Variants in MYOZ1 observed in about 807,000 individuals in gnomAD.
MYOZ1 encodes myozenin-1.
In MYOZ1, 20 loss-of-function variants were observed where a neutral mutation model predicts 28.7. That is an observed-to-expected ratio of 0.70 (90% CI 0.49 to 1.01). The LOEUF is 1.01. Among genes scored for constraint, MYOZ1 ranks in the 50% least tolerant of loss-of-function variants. MYOZ1 has a pLI of 0.00. For missense variants in MYOZ1, 371 were observed against 372.4 expected, an observed-to-expected ratio of 1.00 and a Z score of 0.03; for synonymous variants, 144 against 145.8, an observed-to-expected ratio of 0.99 and a Z score of 0.09.
chr10:73,638,005 C>T, intron 2 of MYOZ1, 83 bp from the exon 3 acceptor site: 1 of 1,287,492 alleles, frequency 7.8e-7, no homozygotes, highest in Non-Finnish European at 1.1e-6. Context: ...TCATCCACAA[C>T]TAAGTGTGTA....
rs1208364286 is a variant in MYOZ1, at chr10:73,632,067, G to A, written c.763C>T (p.Leu255=). The A allele has an allele frequency of 6.2e-7, 1 of 1,614,202 alleles. No homozygotes were observed. The highest frequency in any genetic ancestry group is 1.1e-5 in the South Asian group (1 of 91,076). Residue 255 remains leucine, a synonymous_variant, in exon 6 of 6, where the codon CTG becomes TTG. Coordinates refer to ENST00000359322, the MANE Select transcript of MYOZ1 (RefSeq NM_021245.4). ...GAGAGGTTTTGGTTGTAGAGGACCA[G>A]GGGTTCACTCAGCAAGGGCCCCAGG... ...FDLGPLLSEP[L]VLYNQNLSNR...
At chr10:73,636,283 C>T (rs2081666841) in intron 3 of MYOZ1, among the ~76,000 whole-genome samples, 2 of 152,040 alleles carry the variant, frequency 1.3e-5, no homozygotes, top group South Asian at 2.1e-4. Flanking sequence ...CTTGAAGGAC[C>T]GTTTCAGTCT....
Position 73,631,648 on chromosome 10 carries a change from A to C in MYOZ1, c.*282T>G, listed in dbSNP as rs1235362429. The C allele has an allele frequency of 7.5e-6, 3 of 399,836 alleles. No homozygotes were observed. The highest frequency in any genetic ancestry group is 1.4e-5 in the Non-Finnish European group (3 of 214,708). The allele number at this position is 399,836 out of a possible 1,614,324, so 24.8% of individuals were successfully genotyped here. On this transcript the variant is annotated 3_prime_UTR_variant, in exon 6 of 6. Coordinates refer to ENST00000359322, the MANE Select transcript of MYOZ1 (RefSeq NM_021245.4). Reference sequence around the variant, plus strand: ...ATCTGCTCTCAAATATCAAAGGAAGAATGAGTTCATTTTCCTTGAAGTTTA... The same window carrying C: ...ATCTGCTCTCAAATATCAAAGGAAGCATGAGTTCATTTTCCTTGAAGTTTA...
intron 3 of MYOZ1, among the ~76,000 whole-genome samples, chr10:73,637,158 A>C (rs576315993): frequency 6.6e-6 from 1 of 151,478 alleles, no homozygotes; most frequent in African/African-American, 2.4e-5. Flanking sequence ...GATCACAGGA[A>C]CCCACGACCA....
At chr10:73,636,095 A>G (rs2132406635) in intron 3 of MYOZ1, among the ~76,000 whole-genome samples, 1 of 152,136 alleles carries the variant, frequency 6.6e-6, no homozygotes, top group South Asian at 2.1e-4. Flanking sequence ...CCAATGACAG[A>G]CACTTCTGCC....
intron 3 of MYOZ1, among the ~76,000 whole-genome samples, chr10:73,635,049 G>A (rs372314415): frequency 5.9e-5 from 9 of 151,688 alleles, no homozygotes; most frequent in Non-Finnish European, 1.0e-4. Context: ...TCAGCCTCCC[G>A]AGTAGCTGGG....
intron 5 of MYOZ1, among the ~76,000 whole-genome samples, chr10:73,633,053 T>A (rs1376550999): frequency 6.7e-6 from 1 of 150,136 alleles, no homozygotes; most frequent in Non-Finnish European, 1.5e-5. Flanking sequence ...TCCCAGCACT[T>A]TGGGAGCCCG....
chr10:73,632,208 CAG>C (rs2081639424), intron 5 of MYOZ1, 47 bp from the exon 6 acceptor site: 1 of 1,544,160 alleles, frequency 6.5e-7, no homozygotes, highest in Non-Finnish European at 8.9e-7. Flanking sequence ...ATAAAAGAAA[CAG>C]AGCCTTATCA....
chr10:73,633,858 C>G (rs747977854), intron 5 of MYOZ1, 42 bp downstream of exon 5: 2 of 1,556,698 alleles, frequency 1.3e-6, no homozygotes, highest in Non-Finnish European at 8.7e-7. Flanking sequence ...GACACAGTGC[C>G]TCACACTAGA....
chr10:73,641,378 C>G (rs1425562879), intron 1 of MYOZ1, 33 bp downstream of exon 1: 4 of 152,300 alleles, frequency 2.6e-5, no homozygotes. Context: ...ACAGTGGGCT[C>G]CAGCCTTTCT....
rs2081652172 is a variant in MYOZ1 at position 73,634,038 on chromosome 10, T to C, written c.530A>G (p.His177Arg). Residue 177 changes from histidine (H) to arginine (R), a missense_variant, in exon 5 of 6, where the codon CAT (histidine) becomes CGT (arginine). Physicochemically the swap from His to Arg is conservative, Grantham distance 29 (BLOSUM62 0). Coordinates refer to ENST00000359322, the MANE Select transcript of MYOZ1 (RefSeq NM_021245.4). ...AATATAGGTCTTGAACACAGTGATATGTTTTCCTTCTCCGCCTGCCTGGTC... is the reference window on the plus strand; with the variant it reads ...AATATAGGTCTTGAACACAGTGATACGTTTTCCTTCTCCGCCTGCCTGGTC... ...SGDQAGGEGK[H>R]ITVFKTYISP... 1.9e-6 allele frequency: 3 copies of C among 1,613,880 alleles called. No homozygotes were observed. In the African/African-American group the frequency reaches 4.0e-5, roughly 22 times the overall value.
At chr10:73,635,108 A>G (rs568699549) in intron 3 of MYOZ1, among the ~76,000 whole-genome samples, 2 of 152,026 alleles carry the variant, frequency 1.3e-5, no homozygotes, top group East Asian at 3.9e-4. Flanking sequence ...TATTTTTAGT[A>G]GAGGTGGGGT....
At chr10:73,634,296 C>G (rs537911266) in intron 4 of MYOZ1, among the ~76,000 whole-genome samples, 188 bp downstream of exon 4, 1 of 152,230 alleles carries the variant, frequency 6.6e-6, no homozygotes, top group Non-Finnish European at 1.5e-5. Flanking sequence ...AGAATAGACA[C>G]ATCTCTATAT....
intron 2 of MYOZ1, 27 bp downstream of exon 2, chr10:73,639,918 C>A: frequency 2.5e-6 from 4 of 1,609,254 alleles, no homozygotes; most frequent in Non-Finnish European, 3.4e-6. Flanking sequence ...AGAAGTCCCA[C>A]ACTAGGGAGA....
chr10:73,634,144 T>C (rs1185719944), intron 4 of MYOZ1, 79 bp from the exon 5 acceptor site: 2 of 1,513,546 alleles, frequency 1.3e-6, no homozygotes, highest in Non-Finnish European at 1.8e-6. Flanking sequence ...GCCCCTACAC[T>C]AGGGAAATTG....
intron 2 of MYOZ1, 97 bp downstream of exon 2, chr10:73,639,848 C>A (rs2081692672): frequency 2.4e-6 from 3 of 1,248,602 alleles, no homozygotes; most frequent in Non-Finnish European, 3.4e-6. Context: ...CACTTAATTT[C>A]TCTTGTTTGT....
At chr10:73,639,676 A>C (rs994058917) in intron 2 of MYOZ1, among the ~76,000 whole-genome samples, 1 of 152,080 alleles carries the variant, frequency 6.6e-6, no homozygotes, top group Non-Finnish European at 1.5e-5. Flanking sequence ...AATATACCTC[A>C]CTGACTCATG....
intron 2 of MYOZ1, 89 bp from the exon 3 acceptor site, chr10:73,638,011 G>A: frequency 8.4e-7 from 1 of 1,194,716 alleles, no homozygotes; most frequent in Non-Finnish European, 1.2e-6. Context: ...ACAACTAAGT[G>A]TGTATGTGTG....
Position 73,632,081 on chromosome 10 carries a change from A to G in MYOZ1, c.749T>C (p.Leu250Ser). The change falls in exon 6 of 6, where the codon TTG (leucine) becomes TCG (serine). Residue 250 changes from leucine (L) to serine (S), a missense_variant. Leu to Ser is a moderately radical substitution (Grantham distance 145). Coordinates refer to ENST00000359322, the MANE Select transcript of MYOZ1 (RefSeq NM_021245.4). ...GTAGAGGACCAGGGGTTCACTCAGC[A>G]AGGGCCCCAGGTCAAACTTGGGCAT... ...FQMPKFDLGPLLSEPLVLYNQ... is the reference protein window; with the variant it reads ...FQMPKFDLGPSLSEPLVLYNQ... 1 of 1,614,182 alleles carries G rather than the reference A, an allele frequency of 6.2e-7. No homozygotes were observed. The highest frequency in any genetic ancestry group is 8.5e-7 in the Non-Finnish European group (1 of 1,180,024).
Sources: gnomAD v4.1 joint callset for allele counts (sites outside exome capture counted in the v4.1 genomes callset) on GRCh38, gnomAD v4.1.1 for gene constraint, MANE v1.5 for transcripts, NCBI Gene and HGNC (gene_info 2026-07-23, HGNC 2026-07-21) for gene names.